Variants in URI1 observed in about 807,000 individuals in gnomAD.
URI1 encodes URI1 prefoldin like chaperone.
Under a neutral mutation model 60.2 loss-of-function variants are expected in URI1, and 39 were observed. The ratio of observed to expected loss-of-function variants is 0.65; its 90% CI spans 0.50 to 0.85. The LOEUF (loss-of-function observed/expected upper bound fraction) is 0.85, where lower values mean the gene tolerates loss of function less well. URI1 is among the 40% of genes least tolerant of loss of function. URI1 has a pLI of 0.00. For missense variants in URI1, 691 were observed against 665.9 expected, an observed-to-expected ratio of 1.04 and a Z score of -0.42; for synonymous variants, 251 against 236.8, an observed-to-expected ratio of 1.06 and a Z score of -0.55.
chr19:29,925,115 C>T (rs921720953), intron 1 of URI1, among the ~76,000 whole-genome samples: 10 of 152,218 alleles, frequency 6.6e-5, no homozygotes, highest in African/African-American at 1.7e-4. Flanking sequence ...GGATTACAGG[C>T]GTGAGCCACC....
intron 1 of URI1, among the ~76,000 whole-genome samples, chr19:29,953,620 A>C (rs1462398969): frequency 6.6e-6 from 1 of 152,042 alleles, no homozygotes; most frequent in Non-Finnish European, 1.5e-5. Flanking sequence ...TGGAAGGATG[A>C]TATTTTGCTG....
chr19:30,012,249 C>T (rs752763971), intron 9 of URI1, 36 bp from the exon 10 acceptor site: 61 of 1,577,572 alleles, frequency 3.9e-5, no homozygotes, highest in African/African-American at 8.1e-5. Context: ...TTATGAGTTA[C>T]GTATAGTGAA....
intron 4 of URI1, among the ~76,000 whole-genome samples, chr19:29,997,252 A>C (rs1231481395): frequency 6.6e-6 from 1 of 152,140 alleles, no homozygotes; most frequent in Non-Finnish European, 1.5e-5. Context: ...ACTTGTTACA[A>C]GTCTATTCAG....
Position 30,015,638 on chromosome 19 carries a change from A to C in URI1, c.*569A>C. On this transcript the variant is annotated 3_prime_UTR_variant, in exon 11 of 11. Transcript: ENST00000392271. ...ATGAATTAATTGTACTCTATGGGAA[A>C]ATTTCTTTGGAAAGATATTTTGTAA... 1 of 1,451,300 alleles carries C rather than the reference A, an allele frequency of 6.9e-7. No individual in the cohort carries two copies. Among genetic ancestry groups the C allele is most frequent in the Middle Eastern group, 1.8e-4 (1 of 5,668 alleles). The allele number at this position is 1,451,300 out of a possible 1,614,324, so 89.9% of individuals were successfully genotyped here.
rs148995308 is a variant in URI1 at position 29,994,846 on chromosome 19, A to G, written c.367+8429A>G. Among the ~76,000 whole-genome samples, 462 of 151,342 alleles carry G rather than the reference A, an allele frequency of 3.1e-3. 2 individuals carry two copies. The highest frequency in any genetic ancestry group is 0.011 in the African/African-American group (443 of 41,152). On this transcript the variant is annotated intron_variant, in intron 4 of 10. Transcript: ENST00000392271. Reference sequence around the variant, plus strand: ...CCCAGGCTGGGAGTGCAGTGGTGCAATCTTGGCTCACTGCAGCCTCCGCCT... The same window carrying G: ...CCCAGGCTGGGAGTGCAGTGGTGCAGTCTTGGCTCACTGCAGCCTCCGCCT...
chr19:29,986,329 T>G lies in URI1; in HGVS notation c.279T>G (p.Thr93=). 1 of 1,611,352 alleles carries G rather than the reference T, an allele frequency of 6.2e-7. No individual in the cohort carries two copies. The highest frequency in any genetic ancestry group is 8.5e-7 in the Non-Finnish European group (1 of 1,179,602). ...FAFMPGKLVH[T]NEVTVLLGDN... is the part of the protein sequence containing the mutation. ...TCATGCCAGGAAAACTTGTCCATAC[T>G]AATGAAGTCACTGTTTTACTGGGGG... The change falls in exon 4 of 11, where the codon ACT becomes ACG. Residue 93 remains threonine, a synonymous_variant. Transcript: ENST00000392271.
intron 2 of URI1, among the ~76,000 whole-genome samples, chr19:29,971,752 A>G (rs2055462896): frequency 6.6e-6 from 1 of 151,528 alleles, no homozygotes. Context: ...TAATAGGACC[A>G]TGTTTGGTAA....
intron 1 of URI1, among the ~76,000 whole-genome samples, chr19:29,948,158 A>G (rs1269494149): frequency 6.6e-6 from 1 of 152,178 alleles, no homozygotes; most frequent in Non-Finnish European, 1.5e-5. Flanking sequence ...CTAAATCATT[A>G]TGACTTTGTG....
chr19:29,987,531 G>A (rs1256302389), intron 4 of URI1, among the ~76,000 whole-genome samples: 1 of 152,088 alleles, frequency 6.6e-6, no homozygotes, highest in Admixed American at 6.6e-5. Context: ...GTATATTAGC[G>A]AAAGAGAATG....
intron 1 of URI1, among the ~76,000 whole-genome samples, chr19:29,961,664 CTTTT>C (rs1341999009): frequency 9.2e-6 from 1 of 109,266 alleles, no homozygotes; most frequent in East Asian, 2.9e-4. Context: ...GCTTTTGATT[CTTTT>C]TTTTTTGTTT....
chr19:29,937,389 T>C (rs866110043), upstream of URI1, among the ~76,000 whole-genome samples: 1 of 152,236 alleles, frequency 6.6e-6, no homozygotes, highest in Admixed American at 6.5e-5. Context: ...GAATTCTTTT[T>C]TTCCCCCTGT....
In URI1 at chr19:30,002,399, T is replaced by G. The variant is rs1476050225; in HGVS notation, c.368-2962T>G. Among the ~76,000 whole-genome samples the G allele has an allele frequency of 3.3e-5, 5 of 152,050 alleles. 1 individual carries two copies. The highest frequency in any genetic ancestry group is 3.3e-4 in the Admixed American group (5 of 15,226). On this transcript the variant is annotated intron_variant, in intron 4 of 10. Transcript: ENST00000392271. ...TTAAACATGTCTTTGGAATTTGCAC[T>G]GTTAATTTGCTTTAAGTCTCCTTTT...
chr19:29,999,978 TTC>T lies in URI1; in HGVS notation c.368-5381_368-5380del, dbSNP rs2055857754. ...GTTGGCATATCCTGTTTTTGTTTAC[TTC>T]TTTTTTTTTTAATTTTATGTATTAT... On this transcript the variant is annotated intron_variant, in intron 4 of 10. Coordinates refer to ENST00000392271, the MANE Select transcript of URI1 (RefSeq NM_003796.3). Among the ~76,000 whole-genome samples the T allele has an allele frequency of 1.7e-4, 4 of 24,172 alleles. No homozygotes were observed. In the South Asian group the frequency reaches 9.6e-3, roughly 58 times the overall value. 15.9% of individuals were successfully genotyped at this position (24,172 alleles called of 152,430 possible).
intron 2 of URI1, among the ~76,000 whole-genome samples, chr19:29,982,521 A>C (rs1359957512): frequency 1.3e-5 from 2 of 152,142 alleles, no homozygotes; most frequent in African/African-American, 4.8e-5. Flanking sequence ...TGGTGTATTT[A>C]GTCCTTGAGC....
intron 10 of URI1, chr19:30,012,918 A>G (rs976635242): frequency 5.9e-6 from 1 of 168,504 alleles, no homozygotes; most frequent in African/African-American, 2.4e-5. Flanking sequence ...TTAAAGAAAA[A>G]TAATGCATGC....
At chr19:29,976,465 G>T (rs1209022910) in intron 2 of URI1, among the ~76,000 whole-genome samples, 1 of 152,132 alleles carries the variant, frequency 6.6e-6, no homozygotes, top group African/African-American at 2.4e-5. Context: ...TACTTTCTAT[G>T]GGCATCTCAG....
At chr19:29,975,207 T>G (rs993605946) in intron 2 of URI1, among the ~76,000 whole-genome samples, 2 of 152,200 alleles carry the variant, frequency 1.3e-5, no homozygotes, top group African/African-American at 4.8e-5. Context: ...AAAGCATTCC[T>G]TTTCTTTGCA....
At chr19:29,936,441 A>G (rs887274313) in intron 1 of URI1, among the ~76,000 whole-genome samples, 5 of 152,120 alleles carry the variant, frequency 3.3e-5, no homozygotes, top group Non-Finnish European at 7.4e-5. Context: ...TATTAATGTT[A>G]CTGAGGACTC....
chr19:29,972,344 G>A (rs371328922), intron 2 of URI1, among the ~76,000 whole-genome samples: 2 of 152,144 alleles, frequency 1.3e-5, no homozygotes, highest in Admixed American at 6.5e-5. Context: ...TGGACCATTC[G>A]CCTTTCATTA....
Sources: allele counts gnomAD v4.1 joint callset (sites outside exome capture counted in the v4.1 genomes callset), GRCh38; gene constraint gnomAD v4.1.1; transcripts MANE v1.5; gene names NCBI Gene and HGNC (gene_info 2026-07-23, HGNC 2026-07-21).